The following IL1RAPL2 variants were observed in gnomAD, a reference collection of about 807,000 sequenced individuals.
The protein encoded by IL1RAPL2 is X-linked interleukin-1 receptor accessory protein-like 2.
In IL1RAPL2, 3 loss-of-function variants were observed where a neutral mutation model predicts 44.1. The ratio of observed to expected loss-of-function variants is 0.07; its 90% CI spans 0.03 to 0.18. The LOEUF (loss-of-function observed/expected upper bound fraction) is 0.18. IL1RAPL2 is among the 10% of genes least tolerant of loss of function. The probability of loss-of-function intolerance (pLI) is 1.00; values close to 1 mark genes in which losing one functional copy is unlikely to be tolerated. For missense variants in IL1RAPL2, 391 were observed against 496.4 expected (o/e 0.79, Z 2.02); for synonymous variants, 181 against 178.8 (o/e 1.01, Z -0.10).
intron 2 of IL1RAPL2, among the ~76,000 whole-genome samples, chrX:105,138,078 A>G (rs934320462): frequency 1.3e-4 from 14 of 110,725 alleles, no homozygotes; most frequent in African/African-American, 4.6e-4. Flanking sequence ...GTCTCAAAAA[A>G]TATGTATATA....
At chrX:104,746,184 G>C (rs1932172320) in intron 2 of IL1RAPL2, among the ~76,000 whole-genome samples, 1 of 111,521 alleles carries the variant, frequency 9.0e-6, no homozygotes, top group Admixed American at 9.6e-5. Flanking sequence ...AACTTATATA[G>C]TAATAGCTTA....
At chrX:104,830,830 T>C (rs147989757) in intron 2 of IL1RAPL2, among the ~76,000 whole-genome samples, 6 of 112,403 alleles carry the variant, frequency 5.3e-5, no homozygotes, top group Non-Finnish European at 1.1e-4. Flanking sequence ...CAGTGTCACA[T>C]GGCAATTAAT....
intron 6 of IL1RAPL2, among the ~76,000 whole-genome samples, chrX:105,500,153 A>T (rs1395676647): frequency 1.8e-5 from 2 of 111,365 alleles, no homozygotes; most frequent in African/African-American, 6.5e-5. Context: ...CAGAATGTAG[A>T]ATGGTAGTTG....
intron 6 of IL1RAPL2, among the ~76,000 whole-genome samples, chrX:105,489,787 TTCTCTCTCTCTCTCTC>T (rs36081932): frequency 5.5e-5 from 4 of 73,389 alleles, no homozygotes; most frequent in Admixed American, 3.5e-4. Flanking sequence ...CTTTCTCTCT[TTCTCTCTCTCTCTCTC>T]TCTCTCTCTC....
chrX:105,035,135 G>T (rs762483107), intron 2 of IL1RAPL2, among the ~76,000 whole-genome samples: 8 of 111,458 alleles, frequency 7.2e-5, no homozygotes, highest in African/African-American at 2.6e-4. Flanking sequence ...TCCAGGTGCC[G>T]TCTGTCACCC....
At chrX:104,861,016 T>C (rs1461405751) in intron 2 of IL1RAPL2, among the ~76,000 whole-genome samples, 2 of 111,104 alleles carry the variant, frequency 1.8e-5, no homozygotes, top group Admixed American at 1.9e-4. Flanking sequence ...GACTTCTGCC[T>C]AGTATTTTCC....
intron 3 of IL1RAPL2, chrX:105,220,417 G>A (rs782789682): frequency 4.3e-6 from 5 of 1,152,785 alleles, no homozygotes; most frequent in Non-Finnish European, 5.8e-6. Flanking sequence ...GGGGTTTAAC[G>A]GTTTCACTAG....
intron 6 of IL1RAPL2, among the ~76,000 whole-genome samples, chrX:105,544,942 C>T (rs1279698028): frequency 2.7e-5 from 3 of 111,283 alleles, no homozygotes; most frequent in Non-Finnish European, 5.7e-5. Context: ...ACGAGAACCT[C>T]CTTCAGATTA....
At chrX:105,035,644 A>C (rs149169203) in intron 2 of IL1RAPL2, among the ~76,000 whole-genome samples, 113 of 112,477 alleles carry the variant, frequency 1.0e-3, no homozygotes, top group Non-Finnish European at 1.9e-3. Context: ...CCATGGAACT[A>C]ATGTTCATTA....
intron 1 of IL1RAPL2, among the ~76,000 whole-genome samples, chrX:104,580,849 T>C (rs1307949349): frequency 8.9e-6 from 1 of 111,932 alleles, no homozygotes; most frequent in African/African-American, 3.2e-5. Context: ...AAACCTGCAG[T>C]ACCACCTTGA....
At chrX:104,791,139 G>C (rs2147607836) in intron 2 of IL1RAPL2, among the ~76,000 whole-genome samples, 1 of 110,027 alleles carries the variant, frequency 9.1e-6, no homozygotes, top group South Asian at 4.0e-4. Flanking sequence ...GAAAGAAATA[G>C]CTTCTCTCTC....
intron 2 of IL1RAPL2, among the ~76,000 whole-genome samples, chrX:105,007,994 G>T (rs74894008): frequency 0.051 from 552 of 10,803 alleles, 51 homozygotes; most frequent in South Asian, 0.33. Context: ...ATTGAGAAGA[G>T]AATTGCCAAG....
chrX:104,982,631 GA>G (rs978107237), intron 2 of IL1RAPL2, among the ~76,000 whole-genome samples: 3 of 110,301 alleles, frequency 2.7e-5, no homozygotes, highest in Admixed American at 9.7e-5. Flanking sequence ...AAAACAAACA[GA>G]AAAAAAATAA....
chrX:104,978,877 T>C (rs1356169182), intron 2 of IL1RAPL2, among the ~76,000 whole-genome samples: 1 of 111,527 alleles, frequency 9.0e-6, no homozygotes, highest in Non-Finnish European at 1.9e-5. Context: ...TTAACTCTAT[T>C]GAGGAACATG....
intron 1 of IL1RAPL2, among the ~76,000 whole-genome samples, chrX:104,603,223 C>T (rs762564596): frequency 9.0e-6 from 1 of 111,249 alleles, no homozygotes; most frequent in African/African-American, 3.3e-5. Flanking sequence ...TCCAGCAGAC[C>T]GGCAGCAGAG....
intron 2 of IL1RAPL2, among the ~76,000 whole-genome samples, chrX:105,032,677 T>A (rs2031531577): frequency 9.0e-6 from 1 of 111,583 alleles, no homozygotes; most frequent in Non-Finnish European, 1.9e-5. Flanking sequence ...AGGTGTGGTG[T>A]GGTGCTGAAA....
intron 2 of IL1RAPL2, among the ~76,000 whole-genome samples, chrX:105,087,331 C>T (rs1221755229): frequency 9.0e-6 from 1 of 111,632 alleles, no homozygotes; most frequent in Non-Finnish European, 1.9e-5. Flanking sequence ...TATGTTATTT[C>T]CCCCTCTTCC....
chrX:105,037,722 A>G (rs1281428048), intron 2 of IL1RAPL2, among the ~76,000 whole-genome samples: 1 of 111,618 alleles, frequency 9.0e-6, no homozygotes. Flanking sequence ...AACATTCTCA[A>G]TGGTATTCAA....
At chrX:104,893,292 A>T (rs1923523030) in intron 2 of IL1RAPL2, among the ~76,000 whole-genome samples, 1 of 111,994 alleles carries the variant, frequency 8.9e-6, no homozygotes, top group African/African-American at 3.3e-5. Context: ...AGAGTTCTGT[A>T]GATGTCTATT....
Sources: gnomAD v4.1 joint callset for allele counts (sites outside exome capture counted in the v4.1 genomes callset) on GRCh38, gnomAD v4.1.1 for gene constraint, MANE v1.5 for transcripts, NCBI Gene and HGNC (gene_info 2026-07-23, HGNC 2026-07-21) for gene names.